SLC4A7: variants seen among roughly 807,000 people sequenced by gnomAD.
SLC4A7 encodes the protein sodium bicarbonate cotransporter 3.
SLC4A7 carries 51 observed loss-of-function variants against 137.6 expected under a neutral mutation model. The ratio of observed to expected loss-of-function variants is 0.37; its 90% CI spans 0.30 to 0.47. SLC4A7 has a LOEUF of 0.47. Among genes scored for constraint, SLC4A7 ranks in the 20% least tolerant of loss-of-function variants. The probability of loss-of-function intolerance (pLI) is 1.00; values close to 1 mark genes in which losing one functional copy is unlikely to be tolerated. For missense variants in SLC4A7, 1,247 were observed against 1,525.4 expected (o/e 0.82, Z 3.04); for synonymous variants, 542 against 518.6 (o/e 1.05, Z -0.61).
At chr3:27,429,412 A>T (rs2056028583) in intron 7 of SLC4A7, among the ~76,000 whole-genome samples, 1 of 152,240 alleles carries the variant, frequency 6.6e-6, no homozygotes, top group Non-Finnish European at 1.5e-5. Flanking sequence ...GATAAATAAC[A>T]GCATGAAACA....
At chr3:27,448,582 A>C (rs2057844699) in intron 3 of SLC4A7, 69 bp downstream of exon 3, 1 of 1,332,780 alleles carries the variant, frequency 7.5e-7, no homozygotes, top group Non-Finnish European at 1.0e-6. Context: ...AGAAATATTC[A>C]ATTAAAAGAA....
At chr3:27,389,479 A>G (rs1197129699) in intron 22 of SLC4A7, among the ~76,000 whole-genome samples, 1 of 152,152 alleles carries the variant, frequency 6.6e-6, no homozygotes, top group Non-Finnish European at 1.5e-5. Context: ...TATTTGTAAA[A>G]TGCAATATTC....
chr3:27,434,175 A>G (rs762278585), intron 5 of SLC4A7, 71 bp from the exon 6 acceptor site: 2 of 1,099,186 alleles, frequency 1.8e-6, no homozygotes, highest in Non-Finnish European at 2.5e-6. Context: ...ACTGTGAGTG[A>G]AACCTTATGA....
intron 23 of SLC4A7, among the ~76,000 whole-genome samples, chr3:27,384,257 G>C (rs1056152599): frequency 2.0e-5 from 3 of 152,144 alleles, no homozygotes; most frequent in Admixed American, 2.0e-4. Context: ...GGTGCAAGTA[G>C]AACTTACTGG....
intron 24 of SLC4A7, among the ~76,000 whole-genome samples, chr3:27,381,488 C>T (rs1016008445): frequency 8.6e-5 from 13 of 152,018 alleles, no homozygotes; most frequent in African/African-American, 3.1e-4. Context: ...ATATTAAATG[C>T]CTCTATGCTT....
intron 1 of SLC4A7, among the ~76,000 whole-genome samples, chr3:27,474,008 C>T (rs2059363695): frequency 1.3e-5 from 2 of 152,048 alleles, no homozygotes; most frequent in Admixed American, 6.6e-5. Context: ...AATTTATTAT[C>T]GTCCTGCCTC....
intron 24 of SLC4A7, among the ~76,000 whole-genome samples, chr3:27,381,786 G>T (rs1037044363): frequency 2.0e-5 from 3 of 152,302 alleles, no homozygotes; most frequent in African/African-American, 7.2e-5. Context: ...AAATGGAATA[G>T]ATGTGTAGAA....
chr3:27,395,332 C>G (rs533369736), intron 18 of SLC4A7, among the ~76,000 whole-genome samples: 1 of 152,276 alleles, frequency 6.6e-6, no homozygotes, highest in Non-Finnish European at 1.5e-5. Flanking sequence ...ATCTTTCCAC[C>G]TAGAGGTGGA....
At chr3:27,394,274 C>T (rs1307271324) in intron 20 of SLC4A7, among the ~76,000 whole-genome samples, 1 of 152,184 alleles carries the variant, frequency 6.6e-6, no homozygotes, top group Non-Finnish European at 1.5e-5. Flanking sequence ...CTTCCTTGGC[C>T]TCCCAAATTG....
At position 27,420,719 on chromosome 3, in the gene SLC4A7, G is replaced by C. The variant is rs2150296154; in HGVS notation, c.1493C>G (p.Ala498Gly). 2 of 1,612,144 alleles carry C rather than the reference G, an allele frequency of 1.2e-6. No individual in the cohort carries two copies. The highest frequency in any genetic ancestry group is 3.3e-4 in the Middle Eastern group (2 of 6,058). The change falls in exon 10 of 26, where the codon GCC (alanine) becomes GGC (glycine). Residue 498 changes from alanine (A) to glycine (G), a missense_variant. Ala to Gly is a moderately conservative substitution (Grantham distance 60, BLOSUM62 0). Transcript: ENST00000454389. ...GATTACCTCATCTGTCATGAGAGTG[G>C]CTATTGATCGTCCAATTTCATGGTA... is the stretch of plus-strand genomic sequence containing the variant. ...PQYHEIGRSI[A>G]TLMTDEIFHD... is the part of the protein sequence containing the mutation.
At chr3:27,449,917 A>G (rs1377252602) in intron 2 of SLC4A7, among the ~76,000 whole-genome samples, 4 of 152,224 alleles carry the variant, frequency 2.6e-5, no homozygotes, top group Non-Finnish European at 5.9e-5. Context: ...TGTGACTTGA[A>G]AGTACAGTTG....
At position 27,373,296 on chromosome 3, in the gene SLC4A7, T is replaced by C. The variant is rs1054476192; in HGVS notation, c.*3468A>G. ...CATTTAATGTTAGTTTTTGAAAAGT[T>C]AGAAAAGAAACCAATTTATATGAAG... On this transcript the variant is annotated 3_prime_UTR_variant, in exon 26 of 26. Coordinates refer to ENST00000454389, the MANE Select transcript of SLC4A7 (RefSeq NM_001321103.2). 6.6e-6 allele frequency: 1 copy of C among 152,118 alleles called. No homozygotes were observed. Among genetic ancestry groups the C allele is most frequent in the Admixed American group, 6.5e-5 (1 of 15,272 alleles). 9.4% of individuals were successfully genotyped at this position (152,118 alleles called of 1,614,324 possible).
chr3:27,386,858 T>C (rs549581915), intron 22 of SLC4A7, among the ~76,000 whole-genome samples: 3 of 144,160 alleles, frequency 2.1e-5, no homozygotes, highest in Admixed American at 6.9e-5. Context: ...AAATACTGAA[T>C]TCAATTTTGA....
chr3:27,446,407 A>T (rs1454446451), intron 3 of SLC4A7, among the ~76,000 whole-genome samples: 1 of 152,124 alleles, frequency 6.6e-6, no homozygotes, highest in Admixed American at 6.5e-5. Context: ...CAGGGACATA[A>T]ATCTTTTCTA....
In SLC4A7 at chr3:27,373,696, C is replaced by A. The variant is rs184753733; in HGVS notation, c.*3068G>T. ...ATTTTTCTTTCAACAGAATTTTGAA[C>A]CTGCCTTTGTGAAAGAAAAAAATTA... On this transcript the variant is annotated 3_prime_UTR_variant, in exon 26 of 26. Transcript: ENST00000454389. 65 of 152,256 alleles carry A rather than the reference C, an allele frequency of 4.3e-4. No individual in the cohort carries two copies. Among genetic ancestry groups the A allele is most frequent in the African/African-American group, 1.5e-3 (64 of 41,536 alleles). 9.4% of individuals were successfully genotyped at this position (152,256 alleles called of 1,614,324 possible). A position where few individuals can be genotyped will look rare whatever the true frequency, so the allele number is the denominator to read the frequency against.
chr3:27,479,637 G>A (rs2059628677), intron 1 of SLC4A7, among the ~76,000 whole-genome samples: 2 of 152,052 alleles, frequency 1.3e-5, no homozygotes, highest in Admixed American at 6.6e-5. Flanking sequence ...CATTATAATT[G>A]CAAATAGTCC....
intron 1 of SLC4A7, among the ~76,000 whole-genome samples, chr3:27,479,392 C>A (rs1208043055): frequency 6.7e-6 from 1 of 149,914 alleles, no homozygotes; most frequent in African/African-American, 2.5e-5. Context: ...TCAGCCTGGG[C>A]AACCCTGAGG....
intron 1 of SLC4A7, among the ~76,000 whole-genome samples, chr3:27,480,900 C>G (rs1383238025): frequency 6.6e-6 from 1 of 152,136 alleles, no homozygotes; most frequent in Non-Finnish European, 1.5e-5. Flanking sequence ...CCAAAATAAA[C>G]TCAGCGAAGG....
chr3:27,469,152 TG>T (rs2059132286), intron 1 of SLC4A7, among the ~76,000 whole-genome samples: 1 of 152,164 alleles, frequency 6.6e-6, no homozygotes, highest in South Asian at 2.1e-4. Flanking sequence ...TAGTACTCTT[TG>T]GAAAAAACTC....
Sources: gnomAD v4.1 joint callset for allele counts (sites outside exome capture counted in the v4.1 genomes callset) on GRCh38, gnomAD v4.1.1 for gene constraint, MANE v1.5 for transcripts, NCBI Gene and HGNC (gene_info 2026-07-23, HGNC 2026-07-21) for gene names.